The following PARD3 variants were observed in gnomAD, a reference collection of about 807,000 sequenced individuals.
PARD3 encodes par-3 family cell polarity regulator.
PARD3 carries 75 observed loss-of-function variants against 155.4 expected under a neutral mutation model. The observed-to-expected ratio is 0.48, with a 90% CI of 0.40 to 0.58. PARD3 has a LOEUF of 0.58. PARD3 is among the 20% of genes least tolerant of loss of function. PARD3 has a pLI of 0.00. For missense variants in PARD3, 1,642 were observed against 1,721.7 expected (o/e 0.95, Z 0.82); for synonymous variants, 576 against 610.5 (o/e 0.94, Z 0.83).
At chr10:34,593,341 C>CA (rs1453700273) in intron 2 of PARD3, among the ~76,000 whole-genome samples, 1 of 152,094 alleles carries the variant, frequency 6.6e-6, no homozygotes, top group Non-Finnish European at 1.5e-5. Flanking sequence ...TAAAATTCAA[C>CA]AAATATTTCT....
chr10:34,286,093 AT>A (rs1956375979), intron 20 of PARD3, among the ~76,000 whole-genome samples: 1 of 152,240 alleles, frequency 6.6e-6, no homozygotes, highest in Admixed American at 6.5e-5. Context: ...ACTTTGCACT[AT>A]TTTTGTCAAT....
chr10:34,574,900 T>G (rs2086765857), intron 2 of PARD3, among the ~76,000 whole-genome samples: 1 of 152,228 alleles, frequency 6.6e-6, no homozygotes, highest in Admixed American at 6.5e-5. Context: ...CTACTTGCAC[T>G]AATAATTTTA....
chr10:34,171,855 C>A (rs1949808576), intron 22 of PARD3, among the ~76,000 whole-genome samples: 1 of 144,710 alleles, frequency 6.9e-6, no homozygotes, highest in South Asian at 2.2e-4. Flanking sequence ...AAGGCTGAGG[C>A]AGGAGAATCA....
intron 19 of PARD3, among the ~76,000 whole-genome samples, chr10:34,319,030 C>T (rs959122075): frequency 4.7e-5 from 7 of 149,918 alleles, no homozygotes; most frequent in Non-Finnish European, 1.0e-4. Flanking sequence ...CTCCCCGCCT[C>T]GGCCTCCCAA....
chr10:34,503,257 A>G (rs933609055), intron 3 of PARD3, among the ~76,000 whole-genome samples: 2 of 152,238 alleles, frequency 1.3e-5, no homozygotes, highest in African/African-American at 4.8e-5. Flanking sequence ...TTAAATAACA[A>G]ATTAACGAAT....
At chr10:34,589,156 T>C (rs1414533594) in intron 2 of PARD3, among the ~76,000 whole-genome samples, 1 of 152,168 alleles carries the variant, frequency 6.6e-6, no homozygotes, top group Non-Finnish European at 1.5e-5. Context: ...GATTACATAG[T>C]AATGAGTAGA....
chr10:34,296,853 G>A (rs2133997087), intron 20 of PARD3, among the ~76,000 whole-genome samples: 1 of 152,298 alleles, frequency 6.6e-6, no homozygotes, highest in East Asian at 1.9e-4. Flanking sequence ...ACCATGGCAT[G>A]TTCCTATAAT....
chr10:34,774,172 C>A (rs901639022), intron 1 of PARD3, among the ~76,000 whole-genome samples: 1 of 152,124 alleles, frequency 6.6e-6, no homozygotes, highest in African/African-American at 2.4e-5. Context: ...GCAAAACATA[C>A]CTGACTTCAA....
At chr10:34,251,015 C>A (rs1000367901) in intron 22 of PARD3, among the ~76,000 whole-genome samples, 3 of 152,176 alleles carry the variant, frequency 2.0e-5, no homozygotes, top group African/African-American at 4.8e-5. Context: ...ACCTCTTTCA[C>A]CTTAGTCTCC....
At chr10:34,152,215 A>C (rs577165659) in intron 22 of PARD3, among the ~76,000 whole-genome samples, 2 of 152,278 alleles carry the variant, frequency 1.3e-5, no homozygotes, top group South Asian at 4.1e-4. Context: ...TTAAAAAAAA[A>C]TTCCATCAAC....
rs72786215 is a variant in PARD3, at chr10:34,200,496, A to G, written c.3420-68913T>C. On this transcript the variant is annotated intron_variant, in intron 22 of 24. Coordinates refer to ENST00000374788, the MANE Select transcript of PARD3 (RefSeq NM_001184785.2). ...GAATCTGTGGCAGCAGATGGGGTCT[A>G]TCTGTTTCCTTGCCTCATCTCTAGT... Among the ~76,000 whole-genome samples, 632 of 152,342 alleles carry G rather than the reference A, an allele frequency of 4.1e-3. 3 individuals are homozygous for G. Among genetic ancestry groups the G allele is most frequent in the Admixed American group, 7.1e-3 (109 of 15,308 alleles).
chr10:34,254,364 G>A (rs569385435), intron 22 of PARD3, among the ~76,000 whole-genome samples: 14 of 150,846 alleles, frequency 9.3e-5, no homozygotes, highest in African/African-American at 3.4e-4. Flanking sequence ...GGGCGACAGA[G>A]CAAGACTCTG....
Position 34,690,226 on chromosome 10 carries a change from G to A in PARD3, c.222+6092C>T, listed in dbSNP as rs560158299. On this transcript the variant is annotated intron_variant, in intron 2 of 24. Transcript: ENST00000374788. ...CCCAAAGGGCTGAGATTACAGGTAC[G>A]AGCCAGCATGCCCGGATGGCCTCAC... Among the ~76,000 whole-genome samples, 396 of 152,290 alleles carry A rather than the reference G, an allele frequency of 2.6e-3. 1 individual carries two copies. The highest frequency in any genetic ancestry group is 3.9e-3 in the Non-Finnish European group (268 of 68,038).
intron 19 of PARD3, among the ~76,000 whole-genome samples, chr10:34,322,224 T>TA: frequency 6.6e-6 from 1 of 152,246 alleles, no homozygotes. Context: ...TCCCTTCTGT[T>TA]AGACAGCAAT....
intron 2 of PARD3, among the ~76,000 whole-genome samples, chr10:34,582,671 C>T (rs895875764): frequency 6.6e-6 from 1 of 152,158 alleles, no homozygotes; most frequent in Non-Finnish European, 1.5e-5. Context: ...ATGTGTTATG[C>T]GCTATATGTG....
At chr10:34,597,657 C>T (rs776092529) in intron 2 of PARD3, among the ~76,000 whole-genome samples, 17 of 152,126 alleles carry the variant, frequency 1.1e-4, no homozygotes, top group Non-Finnish European at 1.8e-4. Context: ...CCAAGAAAAA[C>T]AATTCTTAGA....
At chr10:34,289,218 C>T (rs1332171175) in intron 20 of PARD3, among the ~76,000 whole-genome samples, 2 of 152,010 alleles carry the variant, frequency 1.3e-5, no homozygotes, top group Non-Finnish European at 2.9e-5. Flanking sequence ...GGGACATAGG[C>T]TTGCTCTGTT....
At chr10:34,224,465 A>G (rs998323176) in intron 22 of PARD3, among the ~76,000 whole-genome samples, 5 of 152,232 alleles carry the variant, frequency 3.3e-5, no homozygotes, top group African/African-American at 1.2e-4. Flanking sequence ...AGCTTTACAC[A>G]CTCTAAATCC....
chr10:34,487,287 C>T (rs569452305), intron 3 of PARD3, among the ~76,000 whole-genome samples: 1 of 152,152 alleles, frequency 6.6e-6, no homozygotes, highest in Admixed American at 6.5e-5. Context: ...CTTGACTTCA[C>T]TTAGATCTGG....
Sources: allele counts gnomAD v4.1 joint callset (sites outside exome capture counted in the v4.1 genomes callset), GRCh38; gene constraint gnomAD v4.1.1; transcripts MANE v1.5; gene names NCBI Gene and HGNC (gene_info 2026-07-23, HGNC 2026-07-21).